Variants in MYH6 observed in about 807,000 individuals in gnomAD.
The protein encoded by MYH6 is myosin heavy chain 6, also known as myosin-6.
MYH6 carries 126 observed loss-of-function variants against 223.2 expected under a neutral mutation model. That is an observed-to-expected ratio of 0.56 (90% confidence interval 0.49 to 0.65). The LOEUF is 0.65. MYH6 is among the 30% of genes least tolerant of loss of function. MYH6 has a pLI of 0.00. For synonymous variants in MYH6, 978 were observed against 1,010.2 expected, an observed-to-expected ratio of 0.97 and a Z score of 0.61; for missense variants, 2,040 against 2,536.4, an observed-to-expected ratio of 0.80 and a Z score of 4.20.
At chr14:23,403,538 C>G in intron 9 of MYH6, 92 bp from the exon 10 acceptor site, 1 of 1,240,166 alleles carries the variant, frequency 8.1e-7, no homozygotes, top group Non-Finnish European at 1.2e-6. Flanking sequence ...CAGGGGGCAC[C>G]CACAGCTTGA....
Position 23,386,602 on chromosome 14 carries a change from C to T in MYH6, c.4672G>A (p.Gly1558Ser), listed in dbSNP as rs746847582. 6.2e-7 allele frequency: 1 copy of T among 1,611,354 alleles called. No individual in the cohort carries two copies. The highest frequency in any genetic ancestry group is 1.7e-5 in the Admixed American group (1 of 59,978). Residue 1558 changes from glycine to serine, a missense_variant, in exon 33 of 39, where the codon GGC becomes AGC. This residue lies in a region of MYH6 where 1,203 missense variants were observed against 1,400.2 expected (regional missense o/e 0.86). Transcript: ENST00000405093. ...EAEASLEHEE[G>S]KILRAQLEFN... ...TCTAGCTGGGCCCGGAGGATCTTGC[C>T]CTCCTCGTGCTCCAGGGAGGCCTGG... is the stretch of plus-strand genomic sequence containing the variant.
chr14:23,392,538 T>G lies in MYH6; in HGVS notation c.3342+24A>C, dbSNP rs1239459009. The G allele has an allele frequency of 1.9e-6, 3 of 1,557,230 alleles. No individual in the cohort carries two copies. In the South Asian group the frequency reaches 3.3e-5, roughly 17 times the overall value. On this transcript the variant is annotated intron_variant, in intron 25 of 38. Transcript: ENST00000405093. The stretch of plus-strand genomic sequence containing the variant: ...CCTCAGGGCTATTGAGCTCCCACTT[T>G]CATGCACTGGGAAAAAAAGTCACCT...
At chr14:23,398,368 C>T (rs1891494557) in intron 15 of MYH6, among the ~76,000 whole-genome samples, 2 of 152,188 alleles carry the variant, frequency 1.3e-5, no homozygotes, top group African/African-American at 4.8e-5. Flanking sequence ...CATCCTTTCT[C>T]TTCCTTTTCT....
rs750961233 is a variant in MYH6 at position 23,397,267 on chromosome 14, G to A, written c.1963-10C>T. On this transcript the variant is annotated splice_polypyrimidine_tract_variant and intron_variant, in intron 16 of 38. Coordinates refer to ENST00000405093, the MANE Select transcript of MYH6 (RefSeq NM_002471.4). ...GCTTGTTGAGATTTTCCTGGAGGCA[G>A]ATGAAGGTGGGGAGTTAGGAGCCAC... 6.2e-6 allele frequency: 10 copies of A among 1,613,576 alleles called. No individual in the cohort carries two copies. Among genetic ancestry groups the A allele is most frequent in the Non-Finnish European group, 6.8e-6 (8 of 1,179,514 alleles).
In MYH6 at chr14:23,405,647, A is replaced by G. The variant is rs926609805; in HGVS notation, c.325T>C (p.Tyr109His). The change falls in exon 4 of 39, where the codon TAC (tyrosine) becomes CAC (histidine). Residue 109 changes from tyrosine to histidine, a missense_variant. Coordinates refer to ENST00000405093, the MANE Select transcript of MYH6 (RefSeq NM_002471.4). This position sits in a 1 kb window ranked among gnomAD's most constrained non-coding sequence, Gnocchi z 4.7. ...CTCACATATATCATCCAGGCCGCGT[A>G]GCGCTCCTTGAGGTTGAAAAGCACC... ...PAVLFNLKER[Y>H]AAWMIYTYSG... 4.3e-6 allele frequency: 7 copies of G among 1,614,186 alleles called. No homozygotes were observed. The highest frequency in any genetic ancestry group is 5.1e-6 in the Non-Finnish European group (6 of 1,180,022).
Position 23,393,878 on chromosome 14 carries a change from G to A in MYH6, c.2716C>T (p.Arg906Cys), listed in dbSNP as rs143928061. 67 of 1,614,060 alleles carry A rather than the reference G, an allele frequency of 4.2e-5. No homozygotes were observed. Among genetic ancestry groups the A allele is most frequent in the African/African-American group, 5.3e-5 (4 of 74,900 alleles). ...EQDNLNDAEERCDQLIKNKIQ... is the reference protein window; with the variant it reads ...EQDNLNDAEECCDQLIKNKIQ... ...TTGTTTTTGATCAGCTGGTCGCAGCGCTCCTCAGCATCATTGAGGTTGTCT... is the reference window on the plus strand; with the variant it reads ...TTGTTTTTGATCAGCTGGTCGCAGCACTCCTCAGCATCATTGAGGTTGTCT... The change falls in exon 22 of 39, where the codon CGC becomes TGC. Residue 906 changes from arginine to cysteine, a missense_variant. Arg to Cys is a radical substitution (Grantham distance 180). This residue lies in a region of MYH6 where 1,203 missense variants were observed against 1,400.2 expected (regional missense o/e 0.86). Coordinates refer to ENST00000405093, the MANE Select transcript of MYH6 (RefSeq NM_002471.4).
chr14:23,389,182 A>G, intron 28 of MYH6, 127 bp from the exon 29 acceptor site: 1 of 1,262,646 alleles, frequency 7.9e-7, no homozygotes, highest in South Asian at 1.5e-5. Flanking sequence ...GTGGCACCTC[A>G]CTGTTTGAGG....
Position 23,384,945 on chromosome 14 carries a change from C to A in MYH6, c.5260G>T (p.Glu1754Ter), listed in dbSNP as rs372270600. 3 of 1,614,076 alleles carry A rather than the reference C, an allele frequency of 1.9e-6. No homozygotes were observed. The African/African-American group carries it at 4.0e-5, about 22-fold the overall frequency. The change falls in exon 35 of 39, where the codon GAG becomes TAG. Residue 1754 changes from glutamate to a stop codon, truncating the protein, a stop_gained. Coordinates refer to ENST00000405093, the MANE Select transcript of MYH6 (RefSeq NM_002471.4). LOFTEE classifies it high-confidence loss of function. ...EEAVQECRNA[E>*]EKAKKAITDA... ...GTGATGGCCTTCTTGGCCTTCTCCT[C>A]GGCGTTTCTGCACTCCTGCACTGCC...
intron 36 of MYH6, 45 bp downstream of exon 36, chr14:23,384,397 G>A: frequency 6.2e-7 from 1 of 1,604,194 alleles, no homozygotes; most frequent in Non-Finnish European, 8.5e-7. Flanking sequence ...TGGGGCCAGA[G>A]AAGAAACTTC....
rs533244133 is a variant in MYH6 at position 23,384,776 on chromosome 14, C to A, written c.5290-59G>T. 15 of 1,613,698 alleles carry A rather than the reference C, an allele frequency of 9.3e-6. No individual in the cohort carries two copies. The Admixed American group carries it at 1.5e-4, about 16-fold the overall frequency. On this transcript the variant is annotated intron_variant, in intron 35 of 38. Coordinates refer to ENST00000405093, the MANE Select transcript of MYH6 (RefSeq NM_002471.4). ...GCCAGGGGCCGGGGCCTTTTGCCCC[C>A]CAAGGATCTCCTTTCTCCCATCAGG...
chr14:23,405,019 C>T lies in MYH6; in HGVS notation c.530+81G>A. The stretch of plus-strand genomic sequence containing the variant: ...GCTCCCTGCAATCCCAGCCTTAAAC[C>T]TCTCCTCCCAACTACACCCTAGGCA... On this transcript the variant is annotated intron_variant, in intron 6 of 38. Coordinates refer to ENST00000405093, the MANE Select transcript of MYH6 (RefSeq NM_002471.4). The surrounding 1 kb of genome is among the most constrained non-coding windows in gnomAD (Gnocchi z 4.7). 1 of 1,603,694 alleles carries T rather than the reference C, an allele frequency of 6.2e-7. No individual in the cohort carries two copies. Among genetic ancestry groups the T allele is most frequent in the Non-Finnish European group, 8.5e-7 (1 of 1,171,030 alleles).
In MYH6 at chr14:23,396,343, C is replaced by T. The variant is rs1481986940; in HGVS notation, c.2370G>A (p.Met790Ile). The change falls in exon 20 of 39, where the codon ATG (methionine) becomes ATA (isoleucine). Residue 790 changes from methionine (M) to isoleucine (I), a missense_variant. Around this residue, in one of 4 missense-constraint regions of MYH6, gnomAD observed 649 missense variants for 877.3 expected, o/e 0.74. Coordinates refer to ENST00000405093, the MANE Select transcript of MYH6 (RefSeq NM_002471.4). ...DERLSRIITR[M>I]QAQARGQLMR... The stretch of plus-strand genomic sequence containing the variant: ...TGAGCTGGCCCCGGGCTTGGGCCTG[C>T]ATGCGCGTGATGATGCGGCTCAGCC... The T allele has an allele frequency of 6.2e-7, 1 of 1,614,048 alleles. No homozygotes were observed. The highest frequency in any genetic ancestry group is 1.3e-5 in the African/African-American group (1 of 74,956).
At chr14:23,390,585 C>G in intron 25 of MYH6, 139 bp from the exon 26 acceptor site, 6 of 1,507,154 alleles carry the variant, frequency 4.0e-6, no homozygotes, top group Non-Finnish European at 5.3e-6. Context: ...CCCCAGGGAA[C>G]AGTTGGCAAT....
At position 23,407,174 on chromosome 14, in the gene MYH6, C is replaced by G; in HGVS notation, c.50G>C (p.Arg17Pro). The change falls in exon 3 of 39, where the codon CGC becomes CCC. Residue 17 changes from arginine to proline, a missense_variant. Around this residue, in one of 4 missense-constraint regions of MYH6, gnomAD observed 184 missense variants for 232.4 expected, o/e 0.79. Transcript: ENST00000405093. This position sits in a 1 kb window ranked among gnomAD's most constrained non-coding sequence, Gnocchi z 5.6. ...ADFGAAAQYL[R>P]KSEKERLEAQ... ...CTCTAGACGCTCCTTCTCTGACTTGCGGAGGTACTGGGCCGCTGCCCCAAA... is the reference window on the plus strand; with the variant it reads ...CTCTAGACGCTCCTTCTCTGACTTGGGGAGGTACTGGGCCGCTGCCCCAAA... 2 of 1,614,248 alleles carry G rather than the reference C, an allele frequency of 1.2e-6. No individual in the cohort carries two copies. The highest frequency in any genetic ancestry group is 8.5e-7 in the Non-Finnish European group (1 of 1,180,034).
At chr14:23,387,192 A>T (rs551353301) in intron 32 of MYH6, among the ~76,000 whole-genome samples, 1 of 152,232 alleles carries the variant, frequency 6.6e-6, no homozygotes, top group Non-Finnish European at 1.5e-5. Flanking sequence ...CCAACGCTGC[A>T]GTGAAAGTCC....
Position 23,405,884 on chromosome 14 carries a change from C to T in MYH6, c.202-114G>A, listed in dbSNP as rs929299177. The T allele has an allele frequency of 4.4e-6, 6 of 1,372,444 alleles. No homozygotes were observed. In the South Asian group the frequency reaches 5.9e-5, roughly 13 times the overall value. The allele number at this position is 1,372,444 out of a possible 1,614,324, so 85.0% of individuals were successfully genotyped here. A position where few individuals can be genotyped will look rare whatever the true frequency, so the allele number is the denominator to read the frequency against. ...CAGGGACTTGGCCTTGCTCCCCTTG[C>T]TCTGACCAGTGCCCCGGCCCCTACC... On this transcript the variant is annotated intron_variant, in intron 3 of 38. Transcript: ENST00000405093. This position sits in a 1 kb window ranked among gnomAD's most constrained non-coding sequence, Gnocchi z 4.7.
chr14:23,399,400 C>T (rs933007045), intron 14 of MYH6, among the ~76,000 whole-genome samples: 2 of 152,148 alleles, frequency 1.3e-5, no homozygotes, highest in Non-Finnish European at 2.9e-5. Context: ...TGTATGACAC[C>T]AGTAGCAATT....
Position 23,386,427 on chromosome 14 carries a change from A to G in MYH6, c.4847T>C (p.Val1616Ala), listed in dbSNP as rs1281167347. ...GAGGTCTCCTTCCATCTTCTTCTTC[A>G]CCCTCAGGACCTCGTTGCGGCTGCG... ...ETRSRNEVLR[V>A]KKKMEGDLNE... Residue 1616 changes from valine to alanine, a missense_variant, in exon 33 of 39, where the codon GTG becomes GCG. Around this residue, in one of 4 missense-constraint regions of MYH6, gnomAD observed 1,203 missense variants for 1,400.2 expected, o/e 0.86. Transcript: ENST00000405093. The G allele has an allele frequency of 1.2e-6, 2 of 1,613,700 alleles. No individual in the cohort carries two copies. The highest frequency in any genetic ancestry group is 2.2e-5 in the East Asian group (1 of 44,852).
In MYH6 at chr14:23,389,033, G is replaced by A. The variant is rs1036197497; in HGVS notation, c.4001C>T (p.Ala1334Val). Residue 1334 changes from alanine (A) to valine (V), a missense_variant, in exon 29 of 39, where the codon GCA (alanine) becomes GTA (valine). By Grantham distance (64) the Ala-to-Val change is moderately conservative. Around this residue, in one of 4 missense-constraint regions of MYH6, gnomAD observed 1,203 missense variants for 1,400.2 expected, o/e 0.86. Coordinates refer to ENST00000405093, the MANE Select transcript of MYH6 (RefSeq NM_002471.4). ...GCAGTCATGCCGGGCCGACTGCAGT[G>A]CATGGGCCAGGGCGTTCTTCGCCTG... Reference protein sequence around the residue: ...EGKAKNALAHALQSARHDCDL... With the variant: ...EGKAKNALAHVLQSARHDCDL... 1 of 1,608,910 alleles carries A rather than the reference G, an allele frequency of 6.2e-7. No homozygotes were observed. Among genetic ancestry groups the A allele is most frequent in the Non-Finnish European group, 8.5e-7 (1 of 1,178,416 alleles).
Sources: allele counts gnomAD v4.1 joint callset (sites outside exome capture counted in the v4.1 genomes callset), GRCh38; gene constraint gnomAD v4.1.1; regional missense constraint gnomAD v4.1.1; non-coding constraint Gnocchi (gnomAD v3.1); transcripts MANE v1.5; gene names NCBI Gene and HGNC (gene_info 2026-07-23, HGNC 2026-07-21).